ANTXR2: variants seen among roughly 807,000 people sequenced by gnomAD.
The protein encoded by ANTXR2 is ANTXR cell adhesion molecule 2.
Under a neutral mutation model 73.7 loss-of-function variants are expected in ANTXR2, and 44 were observed. That is an observed-to-expected ratio of 0.60 (90% CI 0.47 to 0.77). ANTXR2 has a LOEUF of 0.77. Among genes scored for constraint, ANTXR2 ranks in the 30% least tolerant of loss-of-function variants. ANTXR2 has a pLI of 0.00. For missense variants in ANTXR2, 604 were observed against 592.5 expected, an observed-to-expected ratio of 1.02 and a Z score of -0.20; for synonymous variants, 217 against 205.9, an observed-to-expected ratio of 1.05 and a Z score of -0.46.
At chr4:79,997,574 T>C (rs560037719) in intron 12 of ANTXR2, among the ~76,000 whole-genome samples, 1 of 151,958 alleles carries the variant, frequency 6.6e-6, no homozygotes, top group South Asian at 2.1e-4. Context: ...ACAAAGTATC[T>C]AACTTCAACA....
intron 16 of ANTXR2, among the ~76,000 whole-genome samples, chr4:79,929,817 G>A (rs1311216482): frequency 2.0e-5 from 3 of 152,120 alleles, no homozygotes; most frequent in Non-Finnish European, 2.9e-5. Context: ...AGTTCCACAT[G>A]TATATAATAG....
chr4:80,029,965 G>C (rs1170392260), intron 10 of ANTXR2, among the ~76,000 whole-genome samples: 1 of 151,872 alleles, frequency 6.6e-6, no homozygotes, highest in Non-Finnish European at 1.5e-5. Flanking sequence ...TACTCTGAGT[G>C]GGGTAAAGAA....
At chr4:80,048,875 T>C (rs1178214046) in intron 7 of ANTXR2, among the ~76,000 whole-genome samples, 1 of 151,690 alleles carries the variant, frequency 6.6e-6, no homozygotes, top group Non-Finnish European at 1.5e-5. Flanking sequence ...TGAATGTAGG[T>C]ACTTTTTGAA....
intron 3 of ANTXR2, among the ~76,000 whole-genome samples, chr4:80,063,611 C>T (rs1408161604): frequency 6.6e-6 from 1 of 151,944 alleles, no homozygotes; most frequent in African/African-American, 2.4e-5. Context: ...CACATACACC[C>T]CCCTCACCAT....
chr4:79,983,112 A>G (rs990959148), intron 14 of ANTXR2, among the ~76,000 whole-genome samples: 7 of 152,126 alleles, frequency 4.6e-5, no homozygotes, highest in Non-Finnish European at 8.8e-5. Context: ...AATTATGACT[A>G]AAAAGGAAGG....
chr4:80,012,339 C>T (rs1731626186), intron 11 of ANTXR2, among the ~76,000 whole-genome samples: 2 of 146,648 alleles, frequency 1.4e-5, no homozygotes, highest in African/African-American at 2.5e-5. Context: ...CAAGCTAATA[C>T]CTTTTTTTTT....
rs1443650642 is a variant in ANTXR2, at chr4:80,045,592, T to TC, written c.636+8679_636+8680insG. Among the ~76,000 whole-genome samples, 10 of 151,600 alleles carry TC rather than the reference T, an allele frequency of 6.6e-5. No individual in the cohort carries two copies. The East Asian group carries it at 1.4e-3, about 21-fold the overall frequency. ...TAAAAAAGCAAGGTTTTTTTTTTTT[T>TC]TCCTGACTCATTGAGCAGCTTTAAA... On this transcript the variant is annotated intron_variant, in intron 7 of 16. Coordinates refer to ENST00000403729, the MANE Select transcript of ANTXR2 (RefSeq NM_058172.6).
At chr4:80,026,332 T>C (rs373579066) in intron 10 of ANTXR2, among the ~76,000 whole-genome samples, 5 of 152,166 alleles carry the variant, frequency 3.3e-5, no homozygotes, top group Admixed American at 2.0e-4. Context: ...CTTAGCCTTC[T>C]GCCATGACTA....
intron 16 of ANTXR2, among the ~76,000 whole-genome samples, chr4:79,929,372 G>C (rs1727968840): frequency 6.6e-6 from 1 of 152,014 alleles, no homozygotes; most frequent in Admixed American, 6.6e-5. Flanking sequence ...AATTAGCCGG[G>C]CGTGGTGGCA....
At chr4:79,963,103 T>G (rs190902404) in intron 16 of ANTXR2, among the ~76,000 whole-genome samples, 1 of 152,050 alleles carries the variant, frequency 6.6e-6, no homozygotes, top group African/African-American at 2.4e-5. Flanking sequence ...GGTTTAAGAG[T>G]GCCAAGCACT....
intron 10 of ANTXR2, among the ~76,000 whole-genome samples, chr4:80,026,976 T>C (rs550223047): frequency 5.3e-5 from 8 of 152,164 alleles, no homozygotes; most frequent in African/African-American, 1.9e-4. Context: ...TTGAAAACAG[T>C]GCACCATGTG....
chr4:79,984,987 C>T, intron 12 of ANTXR2, 124 bp from the exon 13 acceptor site: 2 of 735,736 alleles, frequency 2.7e-6, no homozygotes, highest in Non-Finnish European at 4.5e-6. Flanking sequence ...CTGAAGCTTG[C>T]CACCCAATAT....
intron 12 of ANTXR2, among the ~76,000 whole-genome samples, chr4:80,002,091 C>T (rs1227763312): frequency 1.3e-5 from 2 of 151,940 alleles, no homozygotes; most frequent in African/African-American, 2.4e-5. Context: ...AAAAAGAGCC[C>T]GCATCACCAA....
chr4:79,961,412 C>T (rs1297220238), intron 16 of ANTXR2, among the ~76,000 whole-genome samples: 1 of 151,910 alleles, frequency 6.6e-6, no homozygotes, highest in Non-Finnish European at 1.5e-5. Flanking sequence ...ACCACCAAGA[C>T]ATTTTGAAAG....
chr4:80,044,038 G>A (rs1255383015), intron 7 of ANTXR2, among the ~76,000 whole-genome samples: 2 of 151,918 alleles, frequency 1.3e-5, no homozygotes, highest in South Asian at 2.1e-4. Context: ...GAGAACCAAC[G>A]CTAAGTCAGA....
intron 14 of ANTXR2, among the ~76,000 whole-genome samples, chr4:79,981,663 T>A (rs535488462): frequency 5.1e-4 from 77 of 152,288 alleles, no homozygotes; most frequent in Admixed American, 9.2e-4. Flanking sequence ...TCTAAAACAC[T>A]TTTAGTTCCA....
chr4:79,929,108 A>G (rs1041545967), intron 16 of ANTXR2, among the ~76,000 whole-genome samples: 1 of 152,204 alleles, frequency 6.6e-6, no homozygotes, highest in African/African-American at 2.4e-5. Flanking sequence ...TAAGTTGGCC[A>G]TAATACGGGT....
At chr4:79,946,653 G>T (rs1350710756) in intron 16 of ANTXR2, among the ~76,000 whole-genome samples, 1 of 152,030 alleles carries the variant, frequency 6.6e-6, no homozygotes, top group African/African-American at 2.4e-5. Flanking sequence ...TCCTGCAGGG[G>T]TATCTGGTAG....
chr4:79,964,005 T>TA (rs1272823673), intron 16 of ANTXR2, among the ~76,000 whole-genome samples: 1 of 152,224 alleles, frequency 6.6e-6, no homozygotes, highest in Non-Finnish European at 1.5e-5. Flanking sequence ...TTTGTTTTAG[T>TA]AAAAAATTAC....
Sources: allele counts gnomAD v4.1 joint callset (sites outside exome capture counted in the v4.1 genomes callset), GRCh38; gene constraint gnomAD v4.1.1; transcripts MANE v1.5; gene names NCBI Gene and HGNC (gene_info 2026-07-23, HGNC 2026-07-21).